The following TUSC3 variants were observed in gnomAD, a reference collection of about 807,000 sequenced individuals.
TUSC3 encodes tumor suppressor candidate 3.
A neutral mutation model predicts 44.8 loss-of-function variants in TUSC3; 45 were observed. That is an observed-to-expected ratio of 1.00 (90% CI 0.79 to 1.29). TUSC3 has a LOEUF of 1.29. TUSC3 is among the 50% of genes most tolerant of loss of function. The probability of loss-of-function intolerance (pLI) is 0.00; values close to 1 mark genes in which losing one functional copy is unlikely to be tolerated. For missense variants in TUSC3, 519 were observed against 437.9 expected, an observed-to-expected ratio of 1.19 and a Z score of -1.65; for synonymous variants, 212 against 152.9, an observed-to-expected ratio of 1.39 and a Z score of -2.85.
intron 1 of TUSC3, among the ~76,000 whole-genome samples, chr8:15,455,169 T>G (rs1585051844): frequency 6.6e-6 from 1 of 152,112 alleles, no homozygotes; most frequent in East Asian, 1.9e-4. Flanking sequence ...GGTATGGAGA[T>G]CCTAGAAAAG....
At position 15,618,836 on chromosome 8, in the gene TUSC3, G is replaced by A. The variant is rs568554728; in HGVS notation, c.139-4244G>A. On this transcript the variant is annotated intron_variant, in intron 1 of 10. Coordinates refer to ENST00000503731, the MANE Select transcript of TUSC3 (RefSeq NM_006765.4). ...ACCACAAGCACAGGAGTAAAACGGT[G>A]TGCTGCAGTGTTACCACGGCTGCCC... Among the ~76,000 whole-genome samples the A allele has an allele frequency of 2.4e-4, 37 of 152,336 alleles. No individual in the cohort carries two copies. In the South Asian group the frequency reaches 2.7e-3, roughly 11 times the overall value.
At chr8:15,585,084 G>A (rs1045370951) in intron 1 of TUSC3, among the ~76,000 whole-genome samples, 5 of 152,096 alleles carry the variant, frequency 3.3e-5, no homozygotes, top group Non-Finnish European at 7.4e-5. Flanking sequence ...GTATTACATC[G>A]GAAGAGATGA....
At chr8:15,508,669 G>A (rs1217405843) in intron 2 of TUSC3, among the ~76,000 whole-genome samples, 1 of 151,998 alleles carries the variant, frequency 6.6e-6, no homozygotes, top group Non-Finnish European at 1.5e-5. Context: ...CACCGTGTTA[G>A]CCAGGATGGT....
chr8:15,619,660 T>G (rs1447464928), intron 1 of TUSC3, among the ~76,000 whole-genome samples: 1 of 151,852 alleles, frequency 6.6e-6, no homozygotes, highest in African/African-American at 2.4e-5. Flanking sequence ...CCTGGCTAAT[T>G]TTTTGTATTT....
rs369020863 is a variant in TUSC3, at chr8:15,743,351, A to C, written c.863-187A>C. The C allele has an allele frequency of 6.5e-6, 4 of 618,554 alleles. No homozygotes were observed. The East Asian group carries it at 8.5e-5, about 13-fold the overall frequency. The allele number at this position is 618,554 out of a possible 1,614,324, so 38.3% of individuals were successfully genotyped here. A position where few individuals can be genotyped will look rare whatever the true frequency, so the allele number is the denominator to read the frequency against. On this transcript the variant is annotated intron_variant, in intron 7 of 10. Coordinates refer to ENST00000503731, the MANE Select transcript of TUSC3 (RefSeq NM_006765.4). ...TCACAAATTGAAGTTTCAGGTTATAAATTTTTAAAGTTAAGGCATATTTGC... is the reference window on the plus strand; with the variant it reads ...TCACAAATTGAAGTTTCAGGTTATACATTTTTAAAGTTAAGGCATATTTGC...
intron 1 of TUSC3, among the ~76,000 whole-genome samples, chr8:15,418,736 T>C (rs756677916): frequency 5.3e-5 from 8 of 152,216 alleles, no homozygotes; most frequent in Non-Finnish European, 1.0e-4. Flanking sequence ...CCAGGCACAG[T>C]GGCTCATGCC....
At chr8:15,757,070 A>C (rs559930259) in intron 9 of TUSC3, among the ~76,000 whole-genome samples, 1 of 152,164 alleles carries the variant, frequency 6.6e-6, no homozygotes, top group Non-Finnish European at 1.5e-5. Context: ...CAGGAGTTTG[A>C]GGCTGCAAGT....
intron 8 of TUSC3, among the ~76,000 whole-genome samples, chr8:15,746,219 G>A (rs1018544904): frequency 1.3e-5 from 2 of 151,910 alleles, no homozygotes; most frequent in Non-Finnish European, 2.9e-5. Context: ...ATTTATTGTA[G>A]CAATATGATA....
chr8:15,502,279 A>G (rs745508880), intron 2 of TUSC3, among the ~76,000 whole-genome samples: 16 of 152,136 alleles, frequency 1.1e-4, no homozygotes, highest in Admixed American at 2.0e-4. Context: ...TTTTTTCCCA[A>G]ATGCCCAATT....
intron 7 of TUSC3, among the ~76,000 whole-genome samples, chr8:15,735,415 GC>G (rs1810887130): frequency 2.0e-5 from 3 of 152,152 alleles, no homozygotes; most frequent in Admixed American, 2.0e-4. Context: ...GCAATGTTTA[GC>G]CCAAAAAAGT....
intron 1 of TUSC3, among the ~76,000 whole-genome samples, chr8:15,617,141 T>TTA (rs1563136032): frequency 2.3e-4 from 19 of 84,420 alleles, no homozygotes; most frequent in Non-Finnish European, 3.4e-4. Context: ...TGTATATATT[T>TTA]TTTTTTTTTT....
intron 1 of TUSC3, among the ~76,000 whole-genome samples, chr8:15,442,828 T>C (rs1001725203): frequency 6.6e-6 from 1 of 152,190 alleles, no homozygotes; most frequent in Non-Finnish European, 1.5e-5. Context: ...GACCTCAGCC[T>C]TGGTCTTCTG....
At chr8:15,491,937 C>G (rs954007026) in intron 2 of TUSC3, among the ~76,000 whole-genome samples, 1 of 152,190 alleles carries the variant, frequency 6.6e-6, no homozygotes, top group Non-Finnish European at 1.5e-5. Flanking sequence ...AACTTTAATA[C>G]TCTTTACCGT....
intron 1 of TUSC3, among the ~76,000 whole-genome samples, chr8:15,621,100 T>C (rs1191567895): frequency 6.6e-6 from 1 of 152,000 alleles, no homozygotes; most frequent in Non-Finnish European, 1.5e-5. Context: ...CCCTCATTAG[T>C]GGATTACCCT....
chr8:15,772,386 A>G, the TUSC3 span, among the ~76,000 whole-genome samples: 2 of 152,218 alleles, frequency 1.3e-5, no homozygotes, highest in Non-Finnish European at 2.9e-5. Flanking sequence ...AAAGGATTAT[A>G]AGAGAATAAC....
chr8:15,560,359 C>G (rs2129139695), intron 1 of TUSC3, among the ~76,000 whole-genome samples: 1 of 137,782 alleles, frequency 7.3e-6, no homozygotes, highest in Non-Finnish European at 1.6e-5. Context: ...TGTAGGGTTT[C>G]TGCTGAGAGA....
At chr8:15,686,826 T>C (rs1474013937) in intron 6 of TUSC3, among the ~76,000 whole-genome samples, 2 of 151,932 alleles carry the variant, frequency 1.3e-5, no homozygotes, top group East Asian at 1.9e-4. Flanking sequence ...CCCAGCACTT[T>C]AGGAGGCCGA....
intron 1 of TUSC3, among the ~76,000 whole-genome samples, chr8:15,554,985 G>A (rs1049102419): frequency 1.3e-5 from 2 of 151,400 alleles, no homozygotes; most frequent in Non-Finnish European, 2.9e-5. Context: ...GCTAAATCGT[G>A]TGAAGGGCTA....
chr8:15,564,144 T>C (rs555748629), intron 1 of TUSC3, among the ~76,000 whole-genome samples: 5 of 152,234 alleles, frequency 3.3e-5, no homozygotes, highest in African/African-American at 1.2e-4. Context: ...AGTTTAGATT[T>C]TTTTTCTAAT....
Sources: allele counts gnomAD v4.1 joint callset (sites outside exome capture counted in the v4.1 genomes callset), GRCh38; gene constraint gnomAD v4.1.1; transcripts MANE v1.5; gene names NCBI Gene and HGNC (gene_info 2026-07-23, HGNC 2026-07-21).